MTA3: variants seen among roughly 807,000 people sequenced by gnomAD.
MTA3 encodes the protein metastasis associated 1 family member 3, also known as metastasis-associated protein MTA3.
MTA3 carries 34 observed loss-of-function variants against 83.5 expected under a neutral mutation model. The ratio of observed to expected loss-of-function variants is 0.41; its 90% CI spans 0.31 to 0.54. The LOEUF (loss-of-function observed/expected upper bound fraction) is 0.54, where lower values mean the gene tolerates loss of function less well. Ranked by LOEUF, MTA3 falls within the 20% of genes least tolerant of loss-of-function variation. The probability of loss-of-function intolerance (pLI) is 0.33; values close to 1 mark genes in which losing one functional copy is unlikely to be tolerated. For synonymous variants in MTA3, 303 were observed against 252.7 expected (o/e 1.20, Z -1.89); for missense variants, 761 against 726.4 (o/e 1.05, Z -0.55).
At chr2:42,635,826 G>T (rs1687140362) in intron 4 of MTA3, among the ~76,000 whole-genome samples, 1 of 152,100 alleles carries the variant, frequency 6.6e-6, no homozygotes. Context: ...GAGTGCAGTG[G>T]CATGATCTTG....
intron 3 of MTA3, among the ~76,000 whole-genome samples, chr2:42,595,890 C>T (rs1681734963): frequency 6.6e-6 from 1 of 152,138 alleles, no homozygotes; most frequent in Admixed American, 6.6e-5. Context: ...TTTTATTCTA[C>T]ATGTAAGTTA....
At chr2:42,529,762 G>A (rs1675872282) in intron 2 of MTA3, among the ~76,000 whole-genome samples, 1 of 152,140 alleles carries the variant, frequency 6.6e-6, no homozygotes, top group Admixed American at 6.6e-5. Flanking sequence ...GTTAATGCTG[G>A]GCACAGAATG....
At chr2:42,748,829 G>A (rs1430441939) in intron 16 of MTA3, among the ~76,000 whole-genome samples, 1 of 152,172 alleles carries the variant, frequency 6.6e-6, no homozygotes, top group Non-Finnish European at 1.5e-5. Flanking sequence ...TTTGCAGAGT[G>A]GTAAGTTTTG....
intron 14 of MTA3, chr2:42,709,415 T>C (rs1666410549): frequency 7.5e-6 from 5 of 664,128 alleles, no homozygotes; most frequent in South Asian, 7.3e-5. Flanking sequence ...TGAAGCACTT[T>C]TACCTTTTAG....
intron 15 of MTA3, among the ~76,000 whole-genome samples, chr2:42,721,634 GGGA>G (rs1667417534): frequency 6.6e-6 from 1 of 152,124 alleles, no homozygotes; most frequent in Non-Finnish European, 1.5e-5. Context: ...TGGCCAATGA[GGGA>G]ATTTTTTCTA....
chr2:42,548,430 C>T (rs938016032), intron 2 of MTA3, among the ~76,000 whole-genome samples: 1 of 152,036 alleles, frequency 6.6e-6, no homozygotes, highest in Admixed American at 6.6e-5. Flanking sequence ...TGCTCCACTG[C>T]ACCCCAGCCT....
intron 3 of MTA3, among the ~76,000 whole-genome samples, chr2:42,587,760 C>A (rs919786690): frequency 6.6e-6 from 1 of 152,074 alleles, no homozygotes; most frequent in East Asian, 1.9e-4. Flanking sequence ...CCCCACCACA[C>A]CCAGCTAATT....
At position 42,677,336 on chromosome 2, in the gene MTA3, A is replaced by AT. The variant is rs1227263506; in HGVS notation, c.703-5055dup. Among the ~76,000 whole-genome samples, 1,085 of 149,134 alleles carry AT rather than the reference A, an allele frequency of 7.3e-3. 11 individuals are homozygous for AT. The highest frequency in any genetic ancestry group is 0.022 in the African/African-American group (912 of 40,634). On this transcript the variant is annotated intron_variant, in intron 8 of 16. Coordinates refer to ENST00000405094, the MANE Select transcript of MTA3 (RefSeq NM_001330442.2). Reference sequence around the variant, plus strand: ...GAATAAGTCTCATGAGATCTGATTTATTTTTTTTTTATTTTTTATTTTTTG... The same window carrying AT: ...GAATAAGTCTCATGAGATCTGATTTATTTTTTTTTTTATTTTTTATTTTTTG...
chr2:42,661,322 AAC>A (rs1689686763), intron 8 of MTA3, among the ~76,000 whole-genome samples: 2 of 151,970 alleles, frequency 1.3e-5, no homozygotes, highest in Admixed American at 1.3e-4. Flanking sequence ...AACATAGTGA[AAC>A]CCCTGTCTCT....
intron 2 of MTA3, among the ~76,000 whole-genome samples, chr2:42,516,106 A>G (rs1463874287): frequency 1.3e-5 from 2 of 151,984 alleles, no homozygotes; most frequent in Non-Finnish European, 2.9e-5. Flanking sequence ...TAGTAGAGAC[A>G]GGGTTTCACC....
chr2:42,530,044 G>A (rs563554061), intron 2 of MTA3, among the ~76,000 whole-genome samples: 1 of 151,882 alleles, frequency 6.6e-6, no homozygotes, highest in Non-Finnish European at 1.5e-5. Flanking sequence ...AATTAGCCGG[G>A]CGTGGTGGTG....
Position 42,708,902 on chromosome 2 carries a change from G to C in MTA3, c.1331G>C (p.Arg444Pro). 7 of 1,613,832 alleles carry C rather than the reference G, an allele frequency of 4.3e-6. No individual in the cohort carries two copies. Among genetic ancestry groups the C allele is most frequent in the Non-Finnish European group, 5.9e-6 (7 of 1,179,864 alleles). The change falls in exon 14 of 17, where the codon CGC becomes CCC. Residue 444 changes from arginine (R) to proline (P), a missense_variant. By Grantham distance (103) the Arg-to-Pro change is moderately radical (BLOSUM62 -2). Transcript: ENST00000405094. Reference protein sequence around the residue: ...EDPRVRSHVSRQAMQGMPVRN... With the variant: ...EDPRVRSHVSPQAMQGMPVRN... ...CCTCGTGTTAGAAGTCACGTGTCCCGCCAGGCCATGCAGGGAATGCCAGTC... is the reference window on the plus strand; with the variant it reads ...CCTCGTGTTAGAAGTCACGTGTCCCCCCAGGCCATGCAGGGAATGCCAGTC...
At chr2:42,527,968 C>T (rs899607249) in intron 2 of MTA3, among the ~76,000 whole-genome samples, 3 of 152,150 alleles carry the variant, frequency 2.0e-5, no homozygotes, top group Non-Finnish European at 4.4e-5. Context: ...GTCACCCAGA[C>T]TGGACCAGTA....
At chr2:42,698,973 C>T (rs966642451) in intron 11 of MTA3, among the ~76,000 whole-genome samples, 2 of 152,114 alleles carry the variant, frequency 1.3e-5, no homozygotes, top group Admixed American at 1.3e-4. Context: ...TGTTGCAACT[C>T]ATGTGTCTTA....
chr2:42,650,719 G>A (rs894704040), intron 6 of MTA3, among the ~76,000 whole-genome samples: 13 of 152,190 alleles, frequency 8.5e-5, no homozygotes, highest in Admixed American at 2.0e-4. Context: ...ATGAGCCACC[G>A]CACCCTTGAT....
chr2:42,713,314 G>T (rs1050633919), intron 14 of MTA3, among the ~76,000 whole-genome samples: 3 of 151,028 alleles, frequency 2.0e-5, no homozygotes, highest in African/African-American at 7.4e-5. Context: ...GATGAAAAAT[G>T]TGTTTTATGA....
chr2:42,606,751 T>C (rs1231317348), intron 3 of MTA3, among the ~76,000 whole-genome samples: 1 of 151,510 alleles, frequency 6.6e-6, no homozygotes, highest in African/African-American at 2.4e-5. Context: ...TAGGTTGTAG[T>C]GAGCCGAGAT....
chr2:42,695,663 A>G (rs1341390577), intron 9 of MTA3, 102 bp from the exon 10 acceptor site: 1 of 401,452 alleles, frequency 2.5e-6, no homozygotes. Flanking sequence ...AAAAAAAAAG[A>G]AAGTGGTGGT....
rs779235646 is a variant in MTA3, at chr2:42,644,152, A to G, written c.407A>G (p.Tyr136Cys). ...GATACCTTCTTCTACTCATTGGTCT[A>G]TGACCCCTCATTGAAAACACTATTA... is the stretch of plus-strand genomic sequence containing the variant. ...KEDTFFYSLV[Y>C]DPSLKTLLAD... The change falls in exon 6 of 17, where the codon TAT becomes TGT. Residue 136 changes from tyrosine (Y) to cysteine (C), a missense_variant. Physicochemically the swap from Tyr to Cys is radical, Grantham distance 194. Coordinates refer to ENST00000405094, the MANE Select transcript of MTA3 (RefSeq NM_001330442.2). 5 of 1,611,692 alleles carry G rather than the reference A, an allele frequency of 3.1e-6. No homozygotes were observed. The highest frequency in any genetic ancestry group is 4.2e-6 in the Non-Finnish European group (5 of 1,178,770).
Sources: allele counts gnomAD v4.1 joint callset (sites outside exome capture counted in the v4.1 genomes callset), GRCh38; gene constraint gnomAD v4.1.1; transcripts MANE v1.5; gene names NCBI Gene and HGNC (gene_info 2026-07-23, HGNC 2026-07-21).